Variants in CHD2 observed in about 807,000 individuals in gnomAD.
The protein encoded by CHD2 is chromodomain helicase DNA binding protein 2, also known as ATP-dependent chromatin remodeler CHD2.
Under a neutral mutation model 243.9 loss-of-function variants are expected in CHD2, and 28 were observed. That is an observed-to-expected ratio of 0.11 (90% CI 0.09 to 0.16). The LOEUF (loss-of-function observed/expected upper bound fraction) is 0.16. Among genes scored for constraint, CHD2 ranks in the 10% least tolerant of loss-of-function variants. The probability of loss-of-function intolerance (pLI) is 1.00; values close to 1 mark genes in which losing one functional copy is unlikely to be tolerated. For missense variants in CHD2, 1,386 were observed against 2,209.8 expected (o/e 0.63, Z 7.47); for synonymous variants, 775 against 779.0 (o/e 0.99, Z 0.09).
intron 2 of CHD2, among the ~76,000 whole-genome samples, chr15:92,904,085 C>A (rs10852185): frequency 0.4 from 61,063 of 152,050 alleles, 12,512 homozygotes; most frequent in African/African-American, 0.42. Flanking sequence ...TTTCCTTCCC[C>A]CTCTCTGCTC....
intron 28 of CHD2, among the ~76,000 whole-genome samples, chr15:92,995,536 A>T (rs1461762409): frequency 6.6e-6 from 1 of 152,136 alleles, no homozygotes; most frequent in Non-Finnish European, 1.5e-5. Context: ...ACTCTTTTGC[A>T]CCTGCTTATT....
chr15:92,995,831 C>T (rs1013234296), intron 28 of CHD2, among the ~76,000 whole-genome samples: 1 of 152,170 alleles, frequency 6.6e-6, no homozygotes, highest in South Asian at 2.1e-4. Flanking sequence ...TCGATATTCC[C>T]AAATCCTTCT....
At chr15:92,944,649 TAAG>T in intron 10 of CHD2, 134 bp downstream of exon 10, 1 of 409,760 alleles carries the variant, frequency 2.4e-6, no homozygotes, top group South Asian at 6.2e-5. Context: ...AAGGAAAAGC[TAAG>T]AAGATTTGCT....
rs1246012548 is a variant in CHD2 at position 93,000,658 on chromosome 15, G to A, written c.4137+18G>A. The A allele has an allele frequency of 6.3e-6, 10 of 1,599,888 alleles. No homozygotes were observed. In the East Asian group the frequency reaches 6.7e-5, roughly 11 times the overall value. Reference sequence around the variant, plus strand: ...AAGTGAAAGTATGAAGTGGGGTTTCGGTTGAGGGTTATTTATTTATTTTAG... The same window carrying A: ...AAGTGAAAGTATGAAGTGGGGTTTCAGTTGAGGGTTATTTATTTATTTTAG... On this transcript the variant is annotated intron_variant, in intron 32 of 38. Transcript: ENST00000394196.
intron 6 of CHD2, among the ~76,000 whole-genome samples, chr15:92,938,713 AT>A (rs1184782020): frequency 2.0e-5 from 3 of 152,258 alleles, no homozygotes; most frequent in Non-Finnish European, 4.4e-5. Flanking sequence ...AGAGAAAGAG[AT>A]AATAAATGTG....
At chr15:93,007,299 T>G (rs1271160941) in intron 34 of CHD2, among the ~76,000 whole-genome samples, 1 of 152,258 alleles carries the variant, frequency 6.6e-6, no homozygotes, top group Admixed American at 6.5e-5. Context: ...TATTTTCATA[T>G]TTTAGTGGTC....
At chr15:92,910,600 C>G (rs186900627) in intron 2 of CHD2, among the ~76,000 whole-genome samples, 6 of 152,020 alleles carry the variant, frequency 3.9e-5, no homozygotes, top group Non-Finnish European at 7.4e-5. Flanking sequence ...TTCACCATGT[C>G]GGTCAGGCTG....
chr15:93,004,519 T>C (rs1175957255), intron 33 of CHD2, 98 bp from the exon 34 acceptor site: 4 of 1,152,302 alleles, frequency 3.5e-6, no homozygotes, highest in African/African-American at 1.6e-5. Context: ...GAGACCATCA[T>C]ATTTACCCAT....
chr15:93,010,054 C>T lies in CHD2; in HGVS notation c.4592+731C>T, dbSNP rs565096427. Among the ~76,000 whole-genome samples the T allele has an allele frequency of 2.6e-5, 4 of 152,300 alleles. No individual in the cohort carries two copies. In the East Asian group the frequency reaches 7.7e-4, roughly 29 times the overall value. ...CCCTTCCCCCCAGAGTCCGTTATAT[C>T]ATTTTTATGCCTTTGCATCCAATGT... On this transcript the variant is annotated intron_variant, in intron 35 of 38. Coordinates refer to ENST00000394196, the MANE Select transcript of CHD2 (RefSeq NM_001271.4).
At chr15:92,905,271 C>G (rs2052599628) in intron 2 of CHD2, among the ~76,000 whole-genome samples, 1 of 152,184 alleles carries the variant, frequency 6.6e-6, no homozygotes, top group Non-Finnish European at 1.5e-5. Flanking sequence ...TTCGGGAATT[C>G]TGAGTCCCGG....
intron 16 of CHD2, among the ~76,000 whole-genome samples, chr15:92,966,013 G>A (rs2053757224): frequency 6.6e-6 from 1 of 151,204 alleles, no homozygotes; most frequent in Non-Finnish European, 1.5e-5. Context: ...AGTGTGTGAG[G>A]TATCATCTCC....
At chr15:92,914,327 T>C (rs943267911) in intron 2 of CHD2, among the ~76,000 whole-genome samples, 1 of 152,250 alleles carries the variant, frequency 6.6e-6, no homozygotes, top group African/African-American at 2.4e-5. Flanking sequence ...TTCTTTTGTC[T>C]TTTGTGTATT....
chr15:92,973,693 C>T (rs1306455830), intron 19 of CHD2, among the ~76,000 whole-genome samples: 2 of 152,158 alleles, frequency 1.3e-5, no homozygotes, highest in African/African-American at 2.4e-5. Context: ...GTCAGTGAAT[C>T]GAATCCCTAT....
chr15:92,923,973 G>A (rs751790270), intron 2 of CHD2, among the ~76,000 whole-genome samples: 2 of 152,086 alleles, frequency 1.3e-5, no homozygotes, highest in Non-Finnish European at 2.9e-5. Context: ...AAATCTTACT[G>A]TGTTAACTAG....
In CHD2 at chr15:92,929,932, A is replaced by T. The variant is rs550476768; in HGVS notation, c.443+841A>T. Among the ~76,000 whole-genome samples the T allele has an allele frequency of 6.6e-5, 10 of 152,312 alleles. 1 individual carries two copies. The highest frequency in any genetic ancestry group is 2.4e-4 in the African/African-American group (10 of 41,564). ...CATTTCCTCATCTCCAAAAAAAAAA[A>T]TAATACCATCTACCCAACAGGATTA... On this transcript the variant is annotated intron_variant, in intron 5 of 38. Coordinates refer to ENST00000394196, the MANE Select transcript of CHD2 (RefSeq NM_001271.4).
intron 38 of CHD2, 150 bp from the exon 39 acceptor site, chr15:93,024,222 A>T (rs1274596809): frequency 7.2e-6 from 5 of 695,080 alleles, no homozygotes; most frequent in African/African-American, 1.8e-5. Flanking sequence ...TAAGTGTAAA[A>T]TGACTCTGTT....
chr15:92,904,798 A>AGAT (rs2052588999), intron 2 of CHD2: 4 of 1,468,296 alleles, frequency 2.7e-6, no homozygotes. Flanking sequence ...CAGTGTGAAG[A>AGAT]GATGAGTGGG....
At chr15:93,010,287 A>G (rs1234670117) in intron 35 of CHD2, among the ~76,000 whole-genome samples, 1 of 151,890 alleles carries the variant, frequency 6.6e-6, no homozygotes, top group Admixed American at 6.6e-5. Flanking sequence ...TGCTATAAAC[A>G]TGTAAGTGCA....
intron 2 of CHD2, chr15:92,902,790 T>C (rs2052547922): frequency 6.6e-6 from 1 of 152,222 alleles, no homozygotes; most frequent in Non-Finnish European, 1.5e-5. Context: ...GCACTAAAAT[T>C]GTTGCTCCCT....
Sources: allele counts gnomAD v4.1 joint callset (sites outside exome capture counted in the v4.1 genomes callset), GRCh38; gene constraint gnomAD v4.1.1; transcripts MANE v1.5; gene names NCBI Gene and HGNC (gene_info 2026-07-23, HGNC 2026-07-21).